The following SLC25A26 variants were observed in gnomAD, a reference collection of about 807,000 sequenced individuals.
SLC25A26 encodes solute carrier family 25 member 26.
A neutral mutation model predicts 37.8 loss-of-function variants in SLC25A26; 36 were observed. The observed-to-expected ratio is 0.95, with a 90% CI of 0.73 to 1.26. The LOEUF is 1.26. Among genes scored for constraint, SLC25A26 ranks in the 50% most tolerant of loss-of-function variants. The pLI is 0.00. For synonymous variants in SLC25A26, 129 were observed against 122.5 expected (o/e 1.05, Z -0.35); for missense variants, 390 against 331.1 (o/e 1.18, Z -1.38).
At chr3:66,300,373 T>C (rs556129758) in intron 5 of SLC25A26, among the ~76,000 whole-genome samples, 1 of 152,036 alleles carries the variant, frequency 6.6e-6, no homozygotes, top group South Asian at 2.1e-4. Context: ...ATTTTAGTTA[T>C]AGTGACATTG....
intron 2 of SLC25A26, among the ~76,000 whole-genome samples, chr3:66,240,304 C>G: frequency 6.6e-6 from 1 of 151,990 alleles, no homozygotes; most frequent in East Asian, 1.9e-4. Context: ...ATTTTTTTCC[C>G]CCTGAGACCA....
chr3:66,333,823 G>A (rs1297827983), intron 5 of SLC25A26, among the ~76,000 whole-genome samples: 1 of 141,660 alleles, frequency 7.1e-6, no homozygotes, highest in Non-Finnish European at 1.5e-5. Flanking sequence ...TACTTGTCCA[G>A]AACCTAGAAA....
At chr3:66,288,311 C>T (rs1300010252) in intron 5 of SLC25A26, among the ~76,000 whole-genome samples, 1 of 151,972 alleles carries the variant, frequency 6.6e-6, no homozygotes, top group Non-Finnish European at 1.5e-5. Context: ...GATATGTTGA[C>T]ATTGGAAAGC....
At chr3:66,208,886 ACACC>A (rs2071222607) in intron 1 of SLC25A26, among the ~76,000 whole-genome samples, 2 of 30,928 alleles carry the variant, frequency 6.5e-5, no homozygotes, top group African/African-American at 1.1e-4. Context: ...ATATATATAT[ACACC>A]TTTATATGGG....
At chr3:66,361,433 CTGTTAAAAGAATGATGAAAGATGT>C (rs1337841109) in intron 6 of SLC25A26, among the ~76,000 whole-genome samples, 39 of 152,070 alleles carry the variant, frequency 2.6e-4, no homozygotes, top group Non-Finnish European at 3.7e-4. Context: ...TTGAAAGATG[CTGTTAAAAGAATGATGAAAGATGT>C]TGTTAAAAGA....
chr3:66,236,409 C>T (rs1176155195), intron 1 of SLC25A26, 135 bp from the exon 2 acceptor site: 10 of 543,342 alleles, frequency 1.8e-5, no homozygotes, highest in Middle Eastern at 5.2e-4. Flanking sequence ...TCCTTTGTGC[C>T]GCAGAAGTTG....
intron 6 of SLC25A26, among the ~76,000 whole-genome samples, chr3:66,347,122 T>C (rs1300155707): frequency 6.6e-6 from 1 of 151,894 alleles, no homozygotes; most frequent in Non-Finnish European, 1.5e-5. Context: ...AATTGACAAA[T>C]GGGATCTAAT....
At chr3:66,137,032 C>T (rs551792350) in intron 1 of SLC25A26, among the ~76,000 whole-genome samples, 1 of 151,970 alleles carries the variant, frequency 6.6e-6, no homozygotes, top group Non-Finnish European at 1.5e-5. Flanking sequence ...CACAAAGCTT[C>T]TTTTAAAATA....
At chr3:66,243,753 A>C (rs2072697429) in intron 3 of SLC25A26, among the ~76,000 whole-genome samples, 1 of 152,182 alleles carries the variant, frequency 6.6e-6, no homozygotes, top group Non-Finnish European at 1.5e-5. Context: ...ATTTCTGCTC[A>C]GAAGGTTGGT....
At chr3:66,200,518 C>T (rs1307267600) in intron 1 of SLC25A26, among the ~76,000 whole-genome samples, 2 of 152,192 alleles carry the variant, frequency 1.3e-5, no homozygotes, top group Non-Finnish European at 2.9e-5. Flanking sequence ...ATTACAAAGA[C>T]TATACACTGG....
At chr3:66,236,305 A>G (rs1240470096) in intron 1 of SLC25A26, among the ~76,000 whole-genome samples, 2 of 150,124 alleles carry the variant, frequency 1.3e-5, no homozygotes, top group Non-Finnish European at 3.0e-5. Context: ...TTTATTAAAA[A>G]TTGATTTAAA....
intron 1 of SLC25A26, among the ~76,000 whole-genome samples, chr3:66,192,557 G>A (rs1200791578): frequency 7.2e-5 from 11 of 152,170 alleles, no homozygotes; most frequent in Admixed American, 1.3e-4. Flanking sequence ...ATTGACTAAC[G>A]CAACAGAGCA....
At chr3:66,220,884 C>A (rs2071452818), upstream of SLC25A26, 1 of 611,696 alleles carries the variant, frequency 1.6e-6, no homozygotes, top group Non-Finnish European at 2.9e-6. Context: ...AGACTTAGCT[C>A]CACCACACTC....
rs142900109 is a variant in SLC25A26 at position 66,171,959 on chromosome 3, G to A, written c.-354+37975G>A. 4.5e-4 allele frequency among the ~76,000 whole-genome samples: 69 copies of A among 152,168 alleles called. No homozygotes were observed. The East Asian group carries it at 6.6e-3, about 14-fold the overall frequency. The stretch of plus-strand genomic sequence containing the variant: ...CCCTTTCCTGTAAAGTTGTCTTTTT[G>A]CTGGTTAAATATTCCCAGCTCCCTC... On this transcript the variant is annotated intron_variant, in intron 1 of 10. Transcript: ENST00000676754.
intron 1 of SLC25A26, among the ~76,000 whole-genome samples, chr3:66,138,081 G>A (rs973105548): frequency 9.9e-5 from 15 of 151,632 alleles, no homozygotes; most frequent in African/African-American, 9.7e-5. Context: ...TGATCCACCC[G>A]CCTCAGCCTC....
At chr3:66,133,893 C>G (rs532880584) in exon 1 of SLC25A26, 3 of 152,266 alleles carry the variant, frequency 2.0e-5, no homozygotes, top group South Asian at 2.1e-4. Flanking sequence ...GCTTCTAGAA[C>G]TTAGCTACCC....
At chr3:66,376,535 A>AT (rs112859609) in intron 9 of SLC25A26, among the ~76,000 whole-genome samples, 1 of 152,212 alleles carries the variant, frequency 6.6e-6, no homozygotes, top group Non-Finnish European at 1.5e-5. Context: ...GCTCATGAGC[A>AT]TTTTTTAGCA....
In SLC25A26 at chr3:66,278,337, A is replaced by C. The variant is rs367646725; in HGVS notation, c.453+14958A>C. Among the ~76,000 whole-genome samples the C allele has an allele frequency of 4.7e-4, 72 of 152,238 alleles. 2 individuals carry two copies. The South Asian group carries it at 0.015, about 31-fold the overall frequency. ...TAACTTGTATTAAAATAATATATGC[A>C]ATTAGTAACAACCCAAATAATGTAG... On this transcript the variant is annotated intron_variant, in intron 5 of 9. Transcript: ENST00000354883.
intron 1 of SLC25A26, among the ~76,000 whole-genome samples, chr3:66,136,715 G>A (rs2069951698): frequency 6.6e-6 from 1 of 152,120 alleles, no homozygotes; most frequent in South Asian, 2.1e-4. Flanking sequence ...ATTTCTCTTG[G>A]CTTTGCATCA....
Sources: gnomAD v4.1 joint callset for allele counts (sites outside exome capture counted in the v4.1 genomes callset) on GRCh38, gnomAD v4.1.1 for gene constraint, MANE v1.5 for transcripts, NCBI Gene and HGNC (gene_info 2026-07-23, HGNC 2026-07-21) for gene names.